The following MICU1 variants were observed in gnomAD, a reference collection of about 807,000 sequenced individuals.
The protein encoded by MICU1 is mitochondrial calcium uptake 1.
Under a neutral mutation model 56.8 loss-of-function variants are expected in MICU1, and 45 were observed. The observed-to-expected ratio is 0.79, with a 90% CI of 0.62 to 1.02. The LOEUF (loss-of-function observed/expected upper bound fraction) is 1.02. MICU1 is among the 50% of genes least tolerant of loss of function. The probability of loss-of-function intolerance (pLI) is 0.00; values close to 1 mark genes in which losing one functional copy is unlikely to be tolerated. For synonymous variants in MICU1, 186 were observed against 195.1 expected (o/e 0.95, Z 0.39); for missense variants, 504 against 587.1 (o/e 0.86, Z 1.46).
chr10:72,421,461 G>T (rs1435065790), intron 9 of MICU1, among the ~76,000 whole-genome samples: 1 of 152,136 alleles, frequency 6.6e-6, no homozygotes, highest in Non-Finnish European at 1.5e-5. Context: ...TTTTAGTAGA[G>T]ACAGGGTTTT....
rs186075824 is a variant in MICU1, at chr10:72,442,391, G to A, written c.934-19020C>T. On this transcript the variant is annotated intron_variant, in intron 8 of 11. Transcript: ENST00000361114. ...ACTCCTGACCTCAGGTGACCCACCC[G>A]CCTCAGCCTCCCAAAGTGCTAGGAT... 5.3e-4 allele frequency among the ~76,000 whole-genome samples: 80 copies of A among 152,012 alleles called. 2 individuals are homozygous for A. The South Asian group carries it at 0.012, about 23-fold the overall frequency.
At chr10:72,393,852 G>A (rs1490965101) in intron 10 of MICU1, among the ~76,000 whole-genome samples, 6 of 152,148 alleles carry the variant, frequency 3.9e-5, no homozygotes, top group East Asian at 1.9e-4. Context: ...TGCAATCTCC[G>A]ACTCCCTGGT....
intron 6 of MICU1, among the ~76,000 whole-genome samples, chr10:72,500,296 ATATATATTTTTTTTTTTTT>A (rs1867016735): frequency 2.9e-4 from 2 of 6,786 alleles, no homozygotes; most frequent in Admixed American, 2.2e-3. Context: ...ATATATATAT[ATATATATTTTTTTTTTTTT>A]TTTTTTTTTT....
intron 11 of MICU1, among the ~76,000 whole-genome samples, chr10:72,369,712 T>A (rs1415118288): frequency 6.6e-6 from 1 of 151,452 alleles, no homozygotes; most frequent in African/African-American, 2.4e-5. Context: ...GTTGTTGTTG[T>A]TGTTTGTTTG....
At chr10:72,617,304 GTATGATCTAACACCA>G (rs1842005649) in intron 1 of MICU1, among the ~76,000 whole-genome samples, 4 of 151,882 alleles carry the variant, frequency 2.6e-5, no homozygotes, top group Non-Finnish European at 4.4e-5. Flanking sequence ...CCATCCCTTA[GTATGATCTAACACCA>G]GTCCATACTC....
chr10:72,540,893 C>A (rs1839757431), intron 4 of MICU1, among the ~76,000 whole-genome samples: 1 of 152,142 alleles, frequency 6.6e-6, no homozygotes, highest in African/African-American at 2.4e-5. Context: ...AAAAATATAT[C>A]CTGGATGGGC....
At chr10:72,482,966 C>T (rs1866351791) in intron 6 of MICU1, among the ~76,000 whole-genome samples, 1 of 151,946 alleles carries the variant, frequency 6.6e-6, no homozygotes, top group Admixed American at 6.6e-5. Context: ...AGCGATTCTC[C>T]TGCCTCAGCC....
intron 9 of MICU1, 37 bp downstream of exon 9, chr10:72,423,197 C>A: frequency 6.3e-7 from 1 of 1,599,620 alleles, no homozygotes; most frequent in South Asian, 1.1e-5. Flanking sequence ...CATACATTAC[C>A]ACGGTTTCTC....
intron 8 of MICU1, among the ~76,000 whole-genome samples, chr10:72,452,364 T>C (rs755758746): frequency 1.3e-5 from 2 of 152,182 alleles, no homozygotes; most frequent in African/African-American, 2.4e-5. Context: ...GTTTTCAGTC[T>C]GGAGGCAGGG....
In MICU1 at chr10:72,494,305, A is replaced by C. The variant is rs1397193216; in HGVS notation, c.652+13850T>G. Among the ~76,000 whole-genome samples, 4 of 152,200 alleles carry C rather than the reference A, an allele frequency of 2.6e-5. No homozygotes were observed. In the East Asian group the frequency reaches 7.7e-4, roughly 29 times the overall value. On this transcript the variant is annotated intron_variant, in intron 6 of 11. Coordinates refer to ENST00000361114, the MANE Select transcript of MICU1 (RefSeq NM_001195518.2). ...GACAGTCAAAGGGTAGTTAGTCTCC[A>C]TTAAAATAGGAGGGAGGCAGTTAAG... is the stretch of plus-strand genomic sequence containing the variant.
At chr10:72,535,341 A>G (rs1427009025) in intron 4 of MICU1, among the ~76,000 whole-genome samples, 1 of 151,980 alleles carries the variant, frequency 6.6e-6, no homozygotes, top group African/African-American at 2.4e-5. Context: ...ATCCAGCCCT[A>G]TTTTTTAATG....
At chr10:72,518,961 G>A (rs927948136) in intron 5 of MICU1, among the ~76,000 whole-genome samples, 97 of 152,220 alleles carry the variant, frequency 6.4e-4, no homozygotes, top group Non-Finnish European at 7.2e-4. Flanking sequence ...GATTACAGGC[G>A]TGAGCCACTG....
intron 2 of MICU1, among the ~76,000 whole-genome samples, chr10:72,563,921 G>GT (rs1360406187): frequency 6.6e-6 from 1 of 152,126 alleles, no homozygotes; most frequent in Non-Finnish European, 1.5e-5. Flanking sequence ...TGGTTAAGAT[G>GT]TAAGTTTTAT....
At chr10:72,415,426 C>A (rs747531652) in intron 9 of MICU1, among the ~76,000 whole-genome samples, 2 of 152,106 alleles carry the variant, frequency 1.3e-5, no homozygotes, top group Non-Finnish European at 2.9e-5. Flanking sequence ...TTCTTGGGTA[C>A]CTTTCAGAGG....
chr10:72,567,094 A>G (rs922522163), intron 1 of MICU1, among the ~76,000 whole-genome samples: 1 of 152,162 alleles, frequency 6.6e-6, no homozygotes, highest in Non-Finnish European at 1.5e-5. Context: ...CATGCCTGTA[A>G]TCTTAGCACT....
chr10:72,396,904 G>A (rs1181582358), intron 10 of MICU1, among the ~76,000 whole-genome samples: 1 of 152,122 alleles, frequency 6.6e-6, no homozygotes, highest in Non-Finnish European at 1.5e-5. Flanking sequence ...AGCAAGGCAG[G>A]CCAACATTCA....
At chr10:72,569,223 A>T (rs1589351117) in intron 1 of MICU1, among the ~76,000 whole-genome samples, 24 of 39,224 alleles carry the variant, frequency 6.1e-4, no homozygotes, top group South Asian at 3.3e-3. Context: ...ATATATATAT[A>T]TATATATATA....
At chr10:72,566,346 A>C (rs984483616) in intron 2 of MICU1, among the ~76,000 whole-genome samples, 2 of 152,152 alleles carry the variant, frequency 1.3e-5, no homozygotes, top group African/African-American at 2.4e-5. Flanking sequence ...GCGCCTGGCC[A>C]GAAAGCCTTC....
chr10:72,431,708 AG>A, intron 8 of MICU1, among the ~76,000 whole-genome samples: 1 of 152,154 alleles, frequency 6.6e-6, no homozygotes, highest in South Asian at 2.1e-4. Flanking sequence ...TGGTATTGTC[AG>A]TTTTTATTTT....
Sources: gnomAD v4.1 joint callset for allele counts (sites outside exome capture counted in the v4.1 genomes callset) on GRCh38, gnomAD v4.1.1 for gene constraint, MANE v1.5 for transcripts, NCBI Gene and HGNC (gene_info 2026-07-23, HGNC 2026-07-21) for gene names.